Variants in FAT1 observed in about 807,000 individuals in gnomAD.
The protein encoded by FAT1 is FAT atypical cadherin 1.
A neutral mutation model predicts 329.8 loss-of-function variants in FAT1; 171 were observed. The ratio of observed to expected loss-of-function variants is 0.52; its 90% CI spans 0.46 to 0.59. The LOEUF is 0.59. FAT1 is among the 20% of genes least tolerant of loss of function. The probability of loss-of-function intolerance (pLI) is 0.00; values close to 1 mark genes in which losing one functional copy is unlikely to be tolerated. For synonymous variants in FAT1, 2,233 were observed against 2,228.6 expected (o/e 1.00, Z -0.06); for missense variants, 5,672 against 5,774.4 (o/e 0.98, Z 0.57).
intron 1 of FAT1, among the ~76,000 whole-genome samples, chr4:186,713,709 G>T (rs1409061322): frequency 3.3e-5 from 5 of 152,110 alleles, no homozygotes; most frequent in Non-Finnish European, 7.3e-5. Context: ...AGGCTGGAGT[G>T]CAGTGGCGCG....
At position 186,707,749 on chromosome 4, in the gene FAT1, T is replaced by C. The variant is rs1272831551; in HGVS notation, c.2079A>G (p.Leu693=). The C allele has an allele frequency of 1.2e-6, 2 of 1,613,756 alleles. No homozygotes were observed. Among genetic ancestry groups the C allele is most frequent in the Non-Finnish European group, 1.7e-6 (2 of 1,179,900 alleles). ...LAEKLLQANK[L]HNQGEVEDIF... ...TATCCTCCACCTCTCCCTGGTTGTG[T>C]AATTTATTTGCCTGCAGGAGCTTCT... is the stretch of plus-strand genomic sequence containing the variant. The change falls in exon 2 of 27, where the codon TTA becomes TTG. Residue 693 remains leucine, a synonymous_variant. Transcript: ENST00000441802.
chr4:186,601,521 GT>G, intron 20 of FAT1, 95 bp from the exon 21 acceptor site: 1 of 971,266 alleles, frequency 1.0e-6, no homozygotes, highest in African/African-American at 1.6e-5. Context: ...CTGATTTAGG[GT>G]TTTATTTAAG....
chr4:186,605,216 G>GAA (rs34790170), intron 17 of FAT1, among the ~76,000 whole-genome samples: 6 of 67,454 alleles, frequency 8.9e-5, no homozygotes, highest in Non-Finnish European at 1.4e-4. Flanking sequence ...CTCCATCTCA[G>GAA]AAAAAAAAAA....
At position 186,709,786 on chromosome 4, in the gene FAT1, GAGA is replaced by G; in HGVS notation, c.39_41del (p.Leu14del). Reference sequence around the variant, plus strand: ...CATCACTGTCTCCAAAATGTTGGAAGAGAAGGAGCAGAAGCAGGAGCAAAGCCA... The same window carrying G: ...CATCACTGTCTCCAAAATGTTGGAAGAGGAGCAGAAGCAGGAGCAAAGCCA... On this transcript the variant is annotated inframe_deletion, in exon 2 of 27. Coordinates refer to ENST00000441802, the MANE Select transcript of FAT1 (RefSeq NM_005245.4). 1 of 1,610,922 alleles carries G rather than the reference GAGA, an allele frequency of 6.2e-7. No individual in the cohort carries two copies. The highest frequency in any genetic ancestry group is 8.5e-7 in the Non-Finnish European group (1 of 1,178,334).
Position 186,609,809 on chromosome 4 carries a change from C to T in FAT1, c.10060G>A (p.Val3354Ile), listed in dbSNP as rs1211602590. 6.2e-7 allele frequency: 1 copy of T among 1,610,710 alleles called. No individual in the cohort carries two copies. The highest frequency in any genetic ancestry group is 8.5e-7 in the Non-Finnish European group (1 of 1,176,896). ...ISEDAVLEQS[V>I]ITVMADDADG... ...GGGGAAAAAATACACACCGTGATGACAGACTGCTCAAGAACGGCATCTTCA... is the reference window on the plus strand; with the variant it reads ...GGGGAAAAAATACACACCGTGATGATAGACTGCTCAAGAACGGCATCTTCA... Residue 3354 changes from valine to isoleucine, a missense_variant, in exon 15 of 27, where the codon GTC (valine) becomes ATC (isoleucine). By Grantham distance (29) the Val-to-Ile change is conservative. Coordinates refer to ENST00000441802, the MANE Select transcript of FAT1 (RefSeq NM_005245.4).
Position 186,603,779 on chromosome 4 carries a change from C to G in FAT1, c.10747G>C (p.Asp3583His), listed in dbSNP as rs749223648. The G allele has an allele frequency of 1.4e-5, 23 of 1,613,732 alleles. No individual in the cohort carries two copies. Among genetic ancestry groups the G allele is most frequent in the Middle Eastern group, 1.6e-4 (1 of 6,084 alleles). The part of the protein sequence containing the change: ...DVYDTLTYSL[D>H]PQMDNLFSVS... The stretch of plus-strand genomic sequence containing the variant: ...GAGAACAGGTTGTCCATCTGAGGGT[C>G]GAGACTGTAGGTTAGAGTATCATAC... The change falls in exon 19 of 27, where the codon GAC (aspartate) becomes CAC (histidine). Residue 3583 changes from aspartate (D) to histidine (H), a missense_variant. Transcript: ENST00000441802.
rs768924517 is a variant in FAT1, at chr4:186,707,925, C to T, written c.1903G>A (p.Gly635Ser). ...SLKRSLMDGL[G>S]AKVSFHSLRI... ...AGACTGTGGAAAGACACCTTTGCAC[C>T]TAAGCCATCCATTAGCGATCGCTTT... Residue 635 changes from glycine (G) to serine (S), a missense_variant, in exon 2 of 27, where the codon GGT becomes AGT. Gly to Ser is a moderately conservative substitution (Grantham distance 56). Transcript: ENST00000441802. The T allele has an allele frequency of 1.2e-6, 2 of 1,613,984 alleles. No individual in the cohort carries two copies. Among genetic ancestry groups the T allele is most frequent in the South Asian group, 2.2e-5 (2 of 91,082 alleles).
intron 4 of FAT1, among the ~76,000 whole-genome samples, chr4:186,638,798 T>TAA (rs1486637113): frequency 6.6e-6 from 1 of 152,082 alleles, no homozygotes; most frequent in African/African-American, 2.4e-5. Flanking sequence ...CTTATACTGT[T>TAA]AGAGTGGAAG....
chr4:186,610,920 T>C (rs1739416275), intron 14 of FAT1, among the ~76,000 whole-genome samples: 1 of 151,764 alleles, frequency 6.6e-6, no homozygotes, highest in African/African-American at 2.4e-5. Flanking sequence ...GTACTCCAAC[T>C]GTTATAGACA....
At position 186,708,033 on chromosome 4, in the gene FAT1, G is replaced by A. The variant is rs774529773; in HGVS notation, c.1795C>T (p.Leu599Phe). The A allele has an allele frequency of 1.9e-6, 3 of 1,613,946 alleles. No homozygotes were observed. Among genetic ancestry groups the A allele is most frequent in the Admixed American group, 3.3e-5 (2 of 60,018 alleles). ...TTVSAIDADE[L>F]QLVQYQIEAG... ...TCAATCTGATACTGTACCAACTGAAGTTCATCTGCATCAATAGCAGAAACA... is the reference window on the plus strand; with the variant it reads ...TCAATCTGATACTGTACCAACTGAAATTCATCTGCATCAATAGCAGAAACA... The change falls in exon 2 of 27, where the codon CTT (leucine) becomes TTT (phenylalanine). Residue 599 changes from leucine (L) to phenylalanine (F), a missense_variant. By Grantham distance (22) the Leu-to-Phe change is conservative. This residue lies in a region of FAT1 where 3,966 missense variants were observed against 3,915.2 expected (regional missense o/e 1.01). Transcript: ENST00000441802.
At position 186,618,714 on chromosome 4, in the gene FAT1, A is replaced by G; in HGVS notation, c.7872T>C (p.Asp2624=). Residue 2624 remains aspartate, a synonymous_variant, in exon 10 of 27, where the codon GAT becomes GAC. Transcript: ENST00000441802. Reference sequence around the variant, plus strand: ...AGGTGATGTCGGCATTGGAGCCCTCATCGGCATCACTTGCAAGAACTTTAA... The same window carrying G: ...AGGTGATGTCGGCATTGGAGCCCTCGTCGGCATCACTTGCAAGAACTTTAA... The part of the protein sequence containing the change: ...SVVKVLASDA[D]EGSNADITYA... The G allele has an allele frequency of 6.2e-7, 1 of 1,614,036 alleles. No individual in the cohort carries two copies. Among genetic ancestry groups the G allele is most frequent in the African/African-American group, 1.3e-5 (1 of 75,054 alleles).
chr4:186,650,043 T>G (rs1741560493), intron 3 of FAT1, among the ~76,000 whole-genome samples: 2 of 152,216 alleles, frequency 1.3e-5, no homozygotes. Context: ...GTTTTATGGC[T>G]TGGTAGGCTT....
At chr4:186,714,948 T>G (rs327093) in intron 1 of FAT1, among the ~76,000 whole-genome samples, 45,472 of 151,808 alleles carry the variant, frequency 0.3, 9,952 homozygotes, top group African/African-American at 0.62. Flanking sequence ...TGCGGTGGTG[T>G]GCGCCTGTAG....
At position 186,709,191 on chromosome 4, in the gene FAT1, G is replaced by A. The variant is rs1485534377; in HGVS notation, c.637C>T (p.Leu213=). ...TCCATCTCATAGAGCTTGGTCTCTA[G>A]GTAATCAAGTCTACCAGTTAACACT... ...VIVLTGRLDY[L]ETKLYEMEIL... is the part of the protein sequence containing the mutation. The change falls in exon 2 of 27, where the codon CTA becomes TTA. Residue 213 remains leucine (L), a synonymous_variant. Coordinates refer to ENST00000441802, the MANE Select transcript of FAT1 (RefSeq NM_005245.4). The A allele has an allele frequency of 5.6e-6, 9 of 1,613,970 alleles. No homozygotes were observed. Among genetic ancestry groups the A allele is most frequent in the Admixed American group, 5.0e-5 (3 of 60,028 alleles).
In FAT1 at chr4:186,620,647, G is replaced by C. The variant is rs1739995405; in HGVS notation, c.5939C>G (p.Thr1980Ser). The C allele has an allele frequency of 6.2e-7, 1 of 1,613,994 alleles. No individual in the cohort carries two copies. Among genetic ancestry groups the C allele is most frequent in the Non-Finnish European group, 8.5e-7 (1 of 1,179,884 alleles). The stretch of plus-strand genomic sequence containing the variant: ...CACTACCGCAGAGTAGACATCCTGG[G>C]TAAACTTTAGGTGACTTTCTTTGCT... ...KESKESHLKF[T>S]QDVYSAVVKE... Residue 1980 changes from threonine to serine, a missense_variant, in exon 10 of 27, where the codon ACC becomes AGC. Coordinates refer to ENST00000441802, the MANE Select transcript of FAT1 (RefSeq NM_005245.4).
chr4:186,651,647 C>T (rs1005612456), intron 3 of FAT1, among the ~76,000 whole-genome samples: 8 of 152,144 alleles, frequency 5.3e-5, no homozygotes, highest in East Asian at 1.9e-4. Flanking sequence ...CATGCAGAGC[C>T]GACAAGCCGA....
chr4:186,604,851 G>A (rs575989763), intron 17 of FAT1, among the ~76,000 whole-genome samples: 3 of 152,008 alleles, frequency 2.0e-5, no homozygotes, highest in South Asian at 4.2e-4. Flanking sequence ...AAGCAGACAC[G>A]AGGAGGAGTG....
At chr4:186,711,674 T>C (rs1744961094) in intron 1 of FAT1, among the ~76,000 whole-genome samples, 1 of 152,094 alleles carries the variant, frequency 6.6e-6, no homozygotes, top group Admixed American at 6.5e-5. Flanking sequence ...TCCCAGAACT[T>C]TGGGAGGCCA....
intron 2 of FAT1, among the ~76,000 whole-genome samples, chr4:186,681,707 T>C (rs1743214911): frequency 6.6e-6 from 1 of 152,250 alleles, no homozygotes; most frequent in Non-Finnish European, 1.5e-5. Flanking sequence ...TGAAACAGTA[T>C]GCATCAATAC....
Sources: gnomAD v4.1 joint callset for allele counts (sites outside exome capture counted in the v4.1 genomes callset) on GRCh38, gnomAD v4.1.1 for gene constraint, gnomAD v4.1.1 regional missense constraint, MANE v1.5 for transcripts, NCBI Gene and HGNC (gene_info 2026-07-23, HGNC 2026-07-21) for gene names.